KCNQ5: variants seen among roughly 807,000 people sequenced by gnomAD.
KCNQ5 encodes the protein potassium voltage-gated channel subfamily KQT member 5.
KCNQ5 carries 30 observed loss-of-function variants against 98.2 expected under a neutral mutation model. The ratio of observed to expected loss-of-function variants is 0.31; its 90% CI spans 0.23 to 0.41. The LOEUF is 0.41. Among genes scored for constraint, KCNQ5 ranks in the 10% least tolerant of loss-of-function variants. The pLI is 1.00. For missense variants in KCNQ5, 835 were observed against 1,182.5 expected (o/e 0.71, Z 4.31); for synonymous variants, 458 against 449.4 (o/e 1.02, Z -0.24).
In KCNQ5 at chr6:73,034,897, G is replaced by C. The variant is rs149429368; in HGVS notation, c.490-7039G>C. Among the ~76,000 whole-genome samples the C allele has an allele frequency of 3.4e-3, 473 of 140,830 alleles. 6 individuals carry two copies. Among genetic ancestry groups the C allele is most frequent in the African/African-American group, 0.012 (459 of 38,010 alleles). The allele number at this position is 140,830 out of a possible 152,430, so 92.4% of individuals were successfully genotyped here. A position where few individuals can be genotyped will look rare whatever the true frequency, so the allele number is the denominator to read the frequency against. On this transcript the variant is annotated intron_variant, in intron 2 of 13. Transcript: ENST00000370398. The stretch of plus-strand genomic sequence containing the variant: ...ATCTCGCTCTGTTGCCCAAGCTGGA[G>C]TGCAGTGGCATGATCTCGGCTCACT...
chr6:72,937,617 C>A (rs2150235562), intron 1 of KCNQ5, among the ~76,000 whole-genome samples: 1 of 152,242 alleles, frequency 6.6e-6, no homozygotes, highest in South Asian at 2.1e-4. Context: ...CATCCTCTCC[C>A]AAAATGAAGA....
At chr6:72,683,704 G>A (rs1025647456) in intron 1 of KCNQ5, among the ~76,000 whole-genome samples, 2 of 150,870 alleles carry the variant, frequency 1.3e-5, no homozygotes, top group Admixed American at 6.6e-5. Flanking sequence ...GGTCTTAATT[G>A]TATATGGTTT....
intron 1 of KCNQ5, among the ~76,000 whole-genome samples, chr6:72,933,441 G>A (rs1765773774): frequency 6.6e-6 from 1 of 152,198 alleles, no homozygotes; most frequent in Non-Finnish European, 1.5e-5. Context: ...TGGAGGGGAT[G>A]AGGGAGGTTA....
chr6:72,962,853 A>G (rs1464100683), intron 1 of KCNQ5, among the ~76,000 whole-genome samples: 2 of 152,172 alleles, frequency 1.3e-5, no homozygotes, highest in Non-Finnish European at 2.9e-5. Context: ...CTATTATGCA[A>G]TGCCCAGCTA....
At chr6:72,888,719 A>G (rs1581961871) in intron 1 of KCNQ5, among the ~76,000 whole-genome samples, 1 of 151,848 alleles carries the variant, frequency 6.6e-6, no homozygotes, top group African/African-American at 2.4e-5. Context: ...TTCCAGTTCC[A>G]CTAAGTGTTA....
Position 72,928,882 on chromosome 6 carries a change from G to A in KCNQ5, c.399-75026G>A, listed in dbSNP as rs143685058. Among the ~76,000 whole-genome samples, 281 of 152,088 alleles carry A rather than the reference G, an allele frequency of 1.8e-3. 2 individuals are homozygous for A. Among genetic ancestry groups the A allele is most frequent in the African/African-American group, 6.3e-3 (262 of 41,504 alleles). Reference sequence around the variant, plus strand: ...CATTAATTCTTCACTCAACCACCCAGGATTTATTAAACATTCTGTGCCAGG... The same window carrying A: ...CATTAATTCTTCACTCAACCACCCAAGATTTATTAAACATTCTGTGCCAGG... On this transcript the variant is annotated intron_variant, in intron 1 of 13. Transcript: ENST00000370398.
At position 73,126,824 on chromosome 6, in the gene KCNQ5, C is replaced by G. The variant is rs1240018441; in HGVS notation, c.1247+2312C>G. 2.6e-5 allele frequency among the ~76,000 whole-genome samples: 4 copies of G among 152,096 alleles called. No individual in the cohort carries two copies. The East Asian group carries it at 7.7e-4, about 29-fold the overall frequency. On this transcript the variant is annotated intron_variant, in intron 9 of 13. Transcript: ENST00000370398. ...TCTTCCAACTAGCTGTCACATCACC[C>G]TGGGTAAAGCTATTACAGAATGTGC...
At chr6:73,102,640 G>A (rs1774834435) in intron 5 of KCNQ5, among the ~76,000 whole-genome samples, 1 of 152,086 alleles carries the variant, frequency 6.6e-6, no homozygotes, top group African/African-American at 2.4e-5. Flanking sequence ...ATATGAAAAG[G>A]TGCTCAATAT....
At chr6:72,910,584 G>T (rs1779900791) in intron 1 of KCNQ5, among the ~76,000 whole-genome samples, 1 of 151,278 alleles carries the variant, frequency 6.6e-6, no homozygotes, top group South Asian at 2.1e-4. Flanking sequence ...GTGTGTGTGT[G>T]TGTGTGTGTG....
chr6:72,833,160 C>T (rs1240326738), intron 1 of KCNQ5, among the ~76,000 whole-genome samples: 1 of 152,180 alleles, frequency 6.6e-6, no homozygotes, highest in Non-Finnish European at 1.5e-5. Context: ...AACTGTTCGA[C>T]AGGCCACTTA....
intron 1 of KCNQ5, among the ~76,000 whole-genome samples, chr6:72,766,565 G>T (rs1163069285): frequency 6.6e-6 from 1 of 152,020 alleles, no homozygotes; most frequent in Non-Finnish European, 1.5e-5. Context: ...GTTGGTAGCA[G>T]TGGAAGTAGT....
intron 13 of KCNQ5, among the ~76,000 whole-genome samples, chr6:73,193,462 C>T (rs1349350166): frequency 7.9e-5 from 4 of 50,814 alleles, no homozygotes; most frequent in Non-Finnish European, 1.6e-4. Context: ...CCTGTCTCTA[C>T]TAAAAATAAA....
chr6:73,130,479 T>C (rs1776185616), intron 9 of KCNQ5, among the ~76,000 whole-genome samples: 1 of 152,318 alleles, frequency 6.6e-6, no homozygotes, highest in South Asian at 2.1e-4. Context: ...ACAGCAATTT[T>C]TTTTTTACTT....
At chr6:73,081,267 A>G (rs1773754635) in intron 5 of KCNQ5, among the ~76,000 whole-genome samples, 1 of 152,192 alleles carries the variant, frequency 6.6e-6, no homozygotes, top group African/African-American at 2.4e-5. Flanking sequence ...TAGCTCTAGT[A>G]GCTGAGGCAC....
chr6:72,760,458 GT>G (rs1225331454), intron 1 of KCNQ5, among the ~76,000 whole-genome samples: 5 of 151,514 alleles, frequency 3.3e-5, no homozygotes, highest in Admixed American at 2.6e-4. Flanking sequence ...GTGTGTGTGT[GT>G]GTGTGTGTGT....
At chr6:72,624,909 C>A (rs2098917295) in intron 1 of KCNQ5, among the ~76,000 whole-genome samples, 1 of 152,204 alleles carries the variant, frequency 6.6e-6, no homozygotes, top group Non-Finnish European at 1.5e-5. Context: ...AGACTTTACA[C>A]ATTACATTCA....
intron 7 of KCNQ5, among the ~76,000 whole-genome samples, chr6:73,113,113 G>A (rs987417030): frequency 2.6e-5 from 4 of 152,088 alleles, no homozygotes; most frequent in South Asian, 2.1e-4. Flanking sequence ...TAGGACACAC[G>A]CAAAATACCC....
intron 7 of KCNQ5, among the ~76,000 whole-genome samples, chr6:73,118,466 A>C (rs1246480832): frequency 6.6e-6 from 1 of 152,222 alleles, no homozygotes; most frequent in Admixed American, 6.5e-5. Flanking sequence ...CATATAGTAC[A>C]TATCTTTTAA....
At chr6:73,039,483 G>A (rs1430684619) in intron 2 of KCNQ5, among the ~76,000 whole-genome samples, 3 of 152,024 alleles carry the variant, frequency 2.0e-5, no homozygotes, top group Admixed American at 2.0e-4. Flanking sequence ...TCTCAGCACT[G>A]CTTTTACTGC....
Sources: allele counts gnomAD v4.1 joint callset (sites outside exome capture counted in the v4.1 genomes callset), GRCh38; gene constraint gnomAD v4.1.1; transcripts MANE v1.5; gene names NCBI Gene and HGNC (gene_info 2026-07-23, HGNC 2026-07-21).